NOD1: variants seen among roughly 807,000 people sequenced by gnomAD.
The protein encoded by NOD1 is nucleotide-binding oligomerization domain-containing protein 1.
In NOD1, 70 loss-of-function variants were observed where a neutral mutation model predicts 81.2. The observed-to-expected ratio is 0.86, with a 90% CI of 0.71 to 1.05. NOD1 has a LOEUF of 1.05. Ranked by LOEUF, NOD1 falls within the 50% of genes least tolerant of loss-of-function variation. The pLI, the probability that NOD1 is intolerant of heterozygous loss-of-function variation, is 0.00. For missense variants in NOD1, 1,233 were observed against 1,228.0 expected (o/e 1.00, Z -0.06); for synonymous variants, 508 against 526.9 (o/e 0.96, Z 0.49).
At chr7:30,473,133 C>T (rs1220913388) in intron 1 of NOD1, among the ~76,000 whole-genome samples, 1 of 152,182 alleles carries the variant, frequency 6.6e-6, no homozygotes, top group Non-Finnish European at 1.5e-5. Flanking sequence ...CAATTACTAC[C>T]TCATTATCAG....
chr7:30,435,943 G>C, intron 11 of NOD1, 55 bp downstream of exon 11: 4 of 1,448,152 alleles, frequency 2.8e-6, no homozygotes, highest in Non-Finnish European at 2.9e-6. Context: ...GGACGACAAA[G>C]CAAGACCCTA....
At chr7:30,446,286 C>G in intron 8 of NOD1, 62 bp from the exon 9 acceptor site, 1 of 1,227,690 alleles carries the variant, frequency 8.1e-7, no homozygotes. Flanking sequence ...GTGGGTCACC[C>G]TCCTCCCCAG....
chr7:30,470,240 G>A (rs1467951819), intron 1 of NOD1, among the ~76,000 whole-genome samples: 1 of 152,230 alleles, frequency 6.6e-6, no homozygotes, highest in Non-Finnish European at 1.5e-5. Flanking sequence ...TGAGCATGCA[G>A]TGAGTTAATA....
Position 30,455,272 on chromosome 7 carries a change from C to T in NOD1, c.241G>A (p.Glu81Lys), listed in dbSNP as rs1409101378. The T allele has an allele frequency of 6.2e-7, 1 of 1,614,034 alleles. No homozygotes were observed. Among genetic ancestry groups the T allele is most frequent in the Non-Finnish European group, 8.5e-7 (1 of 1,180,036 alleles). The change falls in exon 5 of 14, where the codon GAG (glutamate) becomes AAG (lysine). Residue 81 changes from glutamate (E) to lysine (K), a missense_variant. Transcript: ENST00000222823. ...AAGTAGAGGAAGAACTCGGACACCT[C>T]CTCGCCCTTGCTCTGTACCAGGTCC... ...ILDLVQSKGE[E>K]VSEFFLYLLQ...
At chr7:30,432,235 G>C (rs1023879132) in intron 12 of NOD1, among the ~76,000 whole-genome samples, 2 of 152,130 alleles carry the variant, frequency 1.3e-5, no homozygotes, top group African/African-American at 4.8e-5. Flanking sequence ...AGAATATATA[G>C]AGAACCCCTA....
chr7:30,470,987 A>G (rs1341561352), intron 1 of NOD1, among the ~76,000 whole-genome samples: 2 of 152,084 alleles, frequency 1.3e-5, no homozygotes, highest in Non-Finnish European at 2.9e-5. Flanking sequence ...GGGCTTATCA[A>G]GTGAAAAGCA....
chr7:30,448,071 T>C, intron 7 of NOD1: 1 of 551,176 alleles, frequency 1.8e-6, no homozygotes. Context: ...TAAGCCTACT[T>C]GCCTATACTG....
chr7:30,436,562 T>G (rs1304263625), intron 10 of NOD1, among the ~76,000 whole-genome samples: 1 of 152,156 alleles, frequency 6.6e-6, no homozygotes, highest in Non-Finnish European at 1.5e-5. Context: ...AAGCGGGGGC[T>G]GGGTAGGTGC....
intron 1 of NOD1, among the ~76,000 whole-genome samples, chr7:30,475,514 G>A (rs1788677016): frequency 6.6e-6 from 1 of 152,208 alleles, no homozygotes; most frequent in Non-Finnish European, 1.5e-5. Flanking sequence ...TTTCCATGCA[G>A]TATAATACAA....
chr7:30,454,805 T>A (rs1786169475), intron 5 of NOD1, among the ~76,000 whole-genome samples: 1 of 152,062 alleles, frequency 6.6e-6, no homozygotes, highest in African/African-American at 2.4e-5. Flanking sequence ...GCTAAAGATT[T>A]TTTTAAAAGA....
intron 11 of NOD1, chr7:30,433,477 G>C: frequency 2.3e-6 from 1 of 429,614 alleles, no homozygotes; most frequent in Non-Finnish European, 4.2e-6. Flanking sequence ...GGAAGATGGG[G>C]GCCCACGGAA....
chr7:30,470,869 G>A (rs1788202856), intron 1 of NOD1, among the ~76,000 whole-genome samples: 2 of 152,184 alleles, frequency 1.3e-5, no homozygotes, highest in South Asian at 4.1e-4. Context: ...ACTCCACTCT[G>A]CGAGAGGGCT....
rs1785724252 is a variant in NOD1, at chr7:30,451,649, G to C, written c.1768C>G (p.Leu590Val). 1 of 1,613,994 alleles carries C rather than the reference G, an allele frequency of 6.2e-7. No individual in the cohort carries two copies. Among genetic ancestry groups the C allele is most frequent in the South Asian group, 1.1e-5 (1 of 91,090 alleles). ...KNKDHFQFTNLFLCGLLSKAK... is the reference protein window; with the variant it reads ...KNKDHFQFTNVFLCGLLSKAK... ...TTGGACAACAGCCCGCACAGGAAGA[G>C]GTTGGTGAACTGGAAGTGATCCTTG... The change falls in exon 6 of 14, where the codon CTC (leucine) becomes GTC (valine). Residue 590 changes from leucine to valine, a missense_variant. Coordinates refer to ENST00000222823, the MANE Select transcript of NOD1 (RefSeq NM_006092.4). The surrounding 1 kb of genome is among the most constrained non-coding windows in gnomAD (Gnocchi z 4.2).
At chr7:30,431,773 C>G (rs1204312298) in intron 12 of NOD1, among the ~76,000 whole-genome samples, 18 of 151,938 alleles carry the variant, frequency 1.2e-4, no homozygotes, top group Admixed American at 1.2e-3. Context: ...GCACAAGCAA[C>G]CAAAGAAAAA....
At chr7:30,436,504 C>T (rs1016018426) in intron 10 of NOD1, among the ~76,000 whole-genome samples, 1 of 152,246 alleles carries the variant, frequency 6.6e-6, no homozygotes, top group Non-Finnish European at 1.5e-5. Context: ...GGAAGAACAG[C>T]AGCAGAGCCG....
intron 12 of NOD1, among the ~76,000 whole-genome samples, chr7:30,430,989 A>G (rs1014424897): frequency 6.6e-6 from 1 of 152,214 alleles, no homozygotes; most frequent in Non-Finnish European, 1.5e-5. Context: ...TCTAGTCACC[A>G]CTTAGGCTTT....
At chr7:30,432,508 T>G (rs1784035301) in intron 12 of NOD1, among the ~76,000 whole-genome samples, 1 of 152,212 alleles carries the variant, frequency 6.6e-6, no homozygotes, top group South Asian at 2.1e-4. Context: ...TGTAAAATAG[T>G]ACATCCACTT....
chr7:30,461,974 G>A lies in NOD1; in HGVS notation c.-351-1933C>T, dbSNP rs569155616. Reference sequence around the variant, plus strand: ...AGGATGGTCTTGATCTCCTGACCTCGTGATCCACCCACCTCGGCCTCCCAA... The same window carrying A: ...AGGATGGTCTTGATCTCCTGACCTCATGATCCACCCACCTCGGCCTCCCAA... On this transcript the variant is annotated intron_variant, in intron 1 of 13. Coordinates refer to ENST00000222823, the MANE Select transcript of NOD1 (RefSeq NM_006092.4). Among the ~76,000 whole-genome samples the A allele has an allele frequency of 4.0e-4, 61 of 152,076 alleles. 1 individual carries two copies. Among genetic ancestry groups the A allele is most frequent in the African/African-American group, 1.4e-3 (59 of 41,482 alleles).
rs144669423 is a variant in NOD1 at position 30,455,261 on chromosome 7, C to T, written c.252G>A (p.Glu84=). ...GTTGCTGGAGCAAGTAGAGGAAGAACTCGGACACCTCCTCGCCCTTGCTCT... is the reference window on the plus strand; with the variant it reads ...GTTGCTGGAGCAAGTAGAGGAAGAATTCGGACACCTCCTCGCCCTTGCTCT... ...LVQSKGEEVS[E]FFLYLLQQLA... The change falls in exon 5 of 14, where the codon GAG becomes GAA. Residue 84 remains glutamate, a synonymous_variant. Coordinates refer to ENST00000222823, the MANE Select transcript of NOD1 (RefSeq NM_006092.4). 1.0e-4 allele frequency: 161 copies of T among 1,614,068 alleles called. No individual in the cohort carries two copies. Among genetic ancestry groups the T allele is most frequent in the Non-Finnish European group, 1.3e-4 (157 of 1,180,042 alleles).
Sources: gnomAD v4.1 joint callset for allele counts (sites outside exome capture counted in the v4.1 genomes callset) on GRCh38, gnomAD v4.1.1 for gene constraint, Gnocchi (gnomAD v3.1) non-coding constraint, MANE v1.5 for transcripts, NCBI Gene and HGNC (gene_info 2026-07-23, HGNC 2026-07-21) for gene names.